Variants in PRTG observed in about 807,000 individuals in gnomAD.
The protein encoded by PRTG is immunoglobulin superfamily, DCC subclass, member 5.
In PRTG, 67 loss-of-function variants were observed where a neutral mutation model predicts 122.5. The ratio of observed to expected loss-of-function variants is 0.55; its 90% confidence interval spans 0.45 to 0.67. The LOEUF is 0.67. Among genes scored for constraint, PRTG ranks in the 30% least tolerant of loss-of-function variants. The probability of loss-of-function intolerance (pLI) is 0.00; values close to 1 mark genes in which losing one functional copy is unlikely to be tolerated. For missense variants in PRTG, 1,435 were observed against 1,415.4 expected, an observed-to-expected ratio of 1.01 and a Z score of -0.22; for synonymous variants, 554 against 501.1, an observed-to-expected ratio of 1.11 and a Z score of -1.41.
At chr15:55,667,054 A>G (rs185528803) in intron 11 of PRTG, among the ~76,000 whole-genome samples, 126 of 152,338 alleles carry the variant, frequency 8.3e-4, no homozygotes, top group African/African-American at 2.8e-3. Context: ...GACACCATTT[A>G]GAGTCACAAG....
chr15:55,710,698 TAA>T (rs143739752), intron 2 of PRTG, among the ~76,000 whole-genome samples: 11,252 of 152,250 alleles, frequency 0.074, 460 homozygotes, highest in Non-Finnish European at 0.1. Flanking sequence ...CTCTATAAAC[TAA>T]ACAGTTATGT....
rs1279765826 is a variant in PRTG, at chr15:55,620,029, T to TCA, written c.3435_3436insTG (p.Thr1146Ter). ...TGAAAGAATCAGAGGTTGGGGGGTGTGGTACTTATAACTGAGGACAGATGT... is the reference window on the plus strand; with the variant it reads ...TGAAAGAATCAGAGGTTGGGGGGTGTCAGGTACTTATAACTGAGGACAGATGT... On this transcript the variant is annotated frameshift_variant, in exon 20 of 20. Transcript: ENST00000389286. LOFTEE classifies it high-confidence loss of function. 3.7e-6 allele frequency: 6 copies of TCA among 1,614,082 alleles called. No individual in the cohort carries two copies. The highest frequency in any genetic ancestry group is 1.7e-4 in the Middle Eastern group (1 of 6,060).
chr15:55,725,406 C>T (rs983810454), intron 2 of PRTG, among the ~76,000 whole-genome samples: 1 of 151,916 alleles, frequency 6.6e-6, no homozygotes, highest in Non-Finnish European at 1.5e-5. Flanking sequence ...TAAGCCTAGG[C>T]AACAAAATAA....
At chr15:55,656,232 C>T (rs1477762979) in intron 11 of PRTG, 3 of 397,050 alleles carry the variant, frequency 7.6e-6, no homozygotes, top group Non-Finnish European at 1.5e-5. Context: ...CACATCGTGT[C>T]TCCATCTAGA....
At position 55,743,100 on chromosome 15, in the gene PRTG, G is replaced by C. The variant is rs1292207469; in HGVS notation, c.-169C>G. On this transcript the variant is annotated 5_prime_UTR_variant, in exon 1 of 20. Coordinates refer to ENST00000389286, the MANE Select transcript of PRTG (RefSeq NM_173814.6). ...CTCTGCGGCGGCGAGGCTGGTGCTC[G>C]GACGGCCGCTCGCGAGAAGCAAGGG... 5 of 1,278,886 alleles carry C rather than the reference G, an allele frequency of 3.9e-6. No homozygotes were observed. The highest frequency in any genetic ancestry group is 5.3e-5 in the South Asian group (2 of 37,408). 79.2% of individuals were successfully genotyped at this position (1,278,886 alleles called of 1,614,324 possible). A position where few individuals can be genotyped will look rare whatever the true frequency, so the allele number is the denominator to read the frequency against.
intron 2 of PRTG, among the ~76,000 whole-genome samples, chr15:55,705,423 C>T (rs188026397): frequency 6.6e-6 from 1 of 152,294 alleles, no homozygotes; most frequent in East Asian, 1.9e-4. Flanking sequence ...GTAGTAAGGG[C>T]TTTAGGATCT....
chr15:55,685,558 A>G (rs1385988953), intron 2 of PRTG, among the ~76,000 whole-genome samples: 1 of 152,190 alleles, frequency 6.6e-6, no homozygotes, highest in African/African-American at 2.4e-5. Flanking sequence ...AGGCAGACAC[A>G]TATGAGAACC....
chr15:55,727,531 C>T (rs1171002173), intron 2 of PRTG, among the ~76,000 whole-genome samples: 1 of 152,130 alleles, frequency 6.6e-6, no homozygotes, highest in African/African-American at 2.4e-5. Context: ...CATGGTGGCT[C>T]ACGCCTGTAA....
chr15:55,661,530 A>G (rs562058567), intron 11 of PRTG, among the ~76,000 whole-genome samples: 1 of 152,322 alleles, frequency 6.6e-6, no homozygotes, highest in East Asian at 1.9e-4. Flanking sequence ...GCCAAAGGTC[A>G]AAGGGTTATC....
chr15:55,737,943 GA>G (rs1369205256), intron 2 of PRTG, among the ~76,000 whole-genome samples: 1 of 147,626 alleles, frequency 6.8e-6, no homozygotes, highest in South Asian at 2.1e-4. Flanking sequence ...AAACAAGGGG[GA>G]AAAGAAAACC....
chr15:55,698,300 C>T (rs924855545), intron 2 of PRTG, among the ~76,000 whole-genome samples: 1 of 152,096 alleles, frequency 6.6e-6, no homozygotes, highest in Non-Finnish European at 1.5e-5. Flanking sequence ...ACTCCACCCA[C>T]TCCATTCTTA....
chr15:55,642,735 G>A (rs1440263673), intron 11 of PRTG, among the ~76,000 whole-genome samples: 1 of 151,890 alleles, frequency 6.6e-6, no homozygotes, highest in Non-Finnish European at 1.5e-5. Context: ...AACCAATCTG[G>A]AAAACGACGT....
chr15:55,651,522 C>T (rs1296893761), intron 11 of PRTG, among the ~76,000 whole-genome samples: 2 of 152,054 alleles, frequency 1.3e-5, no homozygotes, highest in African/African-American at 4.8e-5. Context: ...GTAAGTACTG[C>T]CTGATTGAAG....
chr15:55,666,892 C>G (rs1027741712), intron 11 of PRTG, among the ~76,000 whole-genome samples: 3 of 152,140 alleles, frequency 2.0e-5, no homozygotes, highest in Non-Finnish European at 2.9e-5. Context: ...ATTAGGTGAA[C>G]AGCTAGGATT....
chr15:55,720,446 A>T (rs988412775), intron 2 of PRTG, among the ~76,000 whole-genome samples: 7 of 152,064 alleles, frequency 4.6e-5, no homozygotes, highest in Admixed American at 2.0e-4. Context: ...GACTTGACTG[A>T]TCTGGTTCAA....
chr15:55,651,956 G>A (rs748356383), intron 11 of PRTG, among the ~76,000 whole-genome samples: 2 of 152,072 alleles, frequency 1.3e-5, no homozygotes, highest in Non-Finnish European at 2.9e-5. Flanking sequence ...ATCCTCCTAC[G>A]ACCAAAGGAA....
At chr15:55,708,523 G>A (rs9673006) in intron 2 of PRTG, among the ~76,000 whole-genome samples, 15,166 of 151,786 alleles carry the variant, frequency 0.1, 906 homozygotes, top group Middle Eastern at 0.18. Context: ...CAGGAGAATC[G>A]CTTGAACCCG....
In PRTG at chr15:55,618,848, A is replaced by C. The variant is rs2059151893; in HGVS notation, c.*1164T>G. On this transcript the variant is annotated 3_prime_UTR_variant, in exon 20 of 20. Coordinates refer to ENST00000389286, the MANE Select transcript of PRTG (RefSeq NM_173814.6). ...CTAAACAATTTCATGAATATTAAAAAGGTATAAGGCAAAGAATTTCATTAT... is the reference window on the plus strand; with the variant it reads ...CTAAACAATTTCATGAATATTAAAACGGTATAAGGCAAAGAATTTCATTAT... 6.6e-6 allele frequency: 1 copy of C among 152,224 alleles called. No individual in the cohort carries two copies. The highest frequency in any genetic ancestry group is 1.5e-5 in the Non-Finnish European group (1 of 68,042). 9.4% of individuals were successfully genotyped at this position (152,224 alleles called of 1,614,324 possible). A position where few individuals can be genotyped will look rare whatever the true frequency, so the allele number is the denominator to read the frequency against.
At chr15:55,643,442 T>C (rs1315220731) in intron 11 of PRTG, among the ~76,000 whole-genome samples, 2 of 152,158 alleles carry the variant, frequency 1.3e-5, no homozygotes, top group East Asian at 1.9e-4. Flanking sequence ...GTTTCTTTTG[T>C]TTGTTTTCTG....
Sources: gnomAD v4.1 joint callset for allele counts (sites outside exome capture counted in the v4.1 genomes callset) on GRCh38, gnomAD v4.1.1 for gene constraint, MANE v1.5 for transcripts, NCBI Gene and HGNC (gene_info 2026-07-23, HGNC 2026-07-21) for gene names.